Variants in C1orf162 observed in about 807,000 individuals in gnomAD.
The protein encoded by C1orf162 is transmembrane protein C1orf162.
Under a neutral mutation model 11.4 loss-of-function variants are expected in C1orf162, and 10 were observed. The observed-to-expected ratio is 0.88, with a 90% CI of 0.54 to 1.48. The LOEUF (loss-of-function observed/expected upper bound fraction) is 1.48, where lower values mean the gene tolerates loss of function less well. C1orf162 is among the 40% of genes most tolerant of loss of function. The pLI is 0.00. For synonymous variants in C1orf162, 53 were observed against 55.0 expected, an observed-to-expected ratio of 0.96 and a Z score of 0.16; for missense variants, 140 against 149.5, an observed-to-expected ratio of 0.94 and a Z score of 0.33.
At position 111,477,459 on chromosome 1, in the gene C1orf162, TTC is replaced by T. The variant is rs764051942; in HGVS notation, c.202+39_202+40del. 66 of 1,574,582 alleles carry T rather than the reference TTC, an allele frequency of 4.2e-5. No homozygotes were observed. The East Asian group carries it at 1.4e-3, about 34-fold the overall frequency. On this transcript the variant is annotated intron_variant, in intron 4 of 5. Coordinates refer to ENST00000369718, the MANE Select transcript of C1orf162 (RefSeq NM_001300834.2). Reference sequence around the variant, plus strand: ...TGGTCTCCAAGGGATAGGACAGCCCTTCTCTCTCTGCCATTGATACTAGAATT... The same window carrying T: ...TGGTCTCCAAGGGATAGGACAGCCCTTCTCTCTGCCATTGATACTAGAATT...
Position 111,476,045 on chromosome 1 carries a change from C to A in C1orf162, c.17C>A (p.Ser6Tyr). Reference protein sequence around the residue: MGGNGSTCKPDTERQG... With the variant: MGGNGYTCKPDTERQG... ...GATGACAGCATGGGAGGCAATGGCT[C>A]CACATGTAAACCCGACACTGGTGAG... The change falls in exon 2 of 6, where the codon TCC (serine) becomes TAC (tyrosine). Residue 6 changes from serine (S) to tyrosine (Y), a missense_variant. By Grantham distance (144) the Ser-to-Tyr change is moderately radical. Transcript: ENST00000369718. 1.2e-6 allele frequency: 2 copies of A among 1,613,140 alleles called. No homozygotes were observed. The highest frequency in any genetic ancestry group is 1.7e-6 in the Non-Finnish European group (2 of 1,179,156).
intron 4 of C1orf162, 90 bp downstream of exon 4, chr1:111,477,518 G>GA: frequency 6.7e-7 from 1 of 1,486,036 alleles, no homozygotes; most frequent in Non-Finnish European, 9.4e-7. Context: ...GGAGGTAGGG[G>GA]AGGGTGCAGT....
At position 111,478,463 on chromosome 1, in the gene C1orf162, A is replaced by G. The variant is rs1340470254; in HGVS notation, c.*340A>G. The G allele has an allele frequency of 1.7e-5, 4 of 239,490 alleles. No homozygotes were observed. Among genetic ancestry groups the G allele is most frequent in the African/African-American group, 2.2e-5 (1 of 44,954 alleles). 14.8% of individuals were successfully genotyped at this position (239,490 alleles called of 1,614,324 possible). On this transcript the variant is annotated 3_prime_UTR_variant, in exon 6 of 6. Coordinates refer to ENST00000369718, the MANE Select transcript of C1orf162 (RefSeq NM_001300834.2). ...TCATGAATCAACTTGGGAGGAGTCAACCAAATGAACAATCTACCAAAAATT... is the reference window on the plus strand; with the variant it reads ...TCATGAATCAACTTGGGAGGAGTCAGCCAAATGAACAATCTACCAAAAATT...
Position 111,477,439 on chromosome 1 carries a change from T to G in C1orf162, c.202+11T>G. 6.2e-7 allele frequency: 1 copy of G among 1,603,260 alleles called. No homozygotes were observed. The highest frequency in any genetic ancestry group is 8.5e-7 in the Non-Finnish European group (1 of 1,170,208). ...AGAGCTACAGAAAATGTAAGTGGTC[T>G]CCAAGGGATAGGACAGCCCTTCTCT... On this transcript the variant is annotated intron_variant, in intron 4 of 5. Coordinates refer to ENST00000369718, the MANE Select transcript of C1orf162 (RefSeq NM_001300834.2).
intron 3 of C1orf162, 173 bp downstream of exon 3, chr1:111,477,040 C>G (rs767473245): frequency 8.2e-6 from 6 of 733,560 alleles, no homozygotes; most frequent in Non-Finnish European, 1.4e-5. Context: ...TTGGCATCCC[C>G]TAAGCTTCAA....
At position 111,478,093 on chromosome 1, in the gene C1orf162, T is replaced by C; in HGVS notation, c.363T>C (p.Ile121=). 1 of 1,614,212 alleles carries C rather than the reference T, an allele frequency of 6.2e-7. No homozygotes were observed. The highest frequency in any genetic ancestry group is 8.5e-7 in the Non-Finnish European group (1 of 1,180,008). The change falls in exon 6 of 6, where the codon ATT becomes ATC. Residue 121 remains isoleucine, a synonymous_variant. Coordinates refer to ENST00000369718, the MANE Select transcript of C1orf162 (RefSeq NM_001300834.2). The part of the protein sequence containing the change: ...AENHSADFDP[I]VYAQIKVTN ...ACCATTCTGCAGACTTTGACCCCAT[T>C]GTCTATGCTCAAATTAAAGTAACAA...
intron 5 of C1orf162, 94 bp from the exon 6 acceptor site, chr1:111,477,889 G>A: frequency 6.3e-7 from 1 of 1,596,400 alleles, no homozygotes; most frequent in Non-Finnish European, 8.6e-7. Context: ...CACTGGGCAA[G>A]TGATTCTTTG....
In C1orf162 at chr1:111,478,131, T is replaced by C. The variant is rs1228851012; in HGVS notation, c.*8T>C. On this transcript the variant is annotated 3_prime_UTR_variant, in exon 6 of 6. Transcript: ENST00000369718. Reference sequence around the variant, plus strand: ...ATTAAAGTAACAAACTAACTCAGCTTTTCCAATGAGGCTTGAATCCATTTC... The same window carrying C: ...ATTAAAGTAACAAACTAACTCAGCTCTTCCAATGAGGCTTGAATCCATTTC... 1.2e-6 allele frequency: 2 copies of C among 1,613,966 alleles called. No homozygotes were observed. The highest frequency in any genetic ancestry group is 4.5e-5 in the East Asian group (2 of 44,898).
Position 111,475,762 on chromosome 1 carries a change from A to G in C1orf162, c.-11-256A>G, listed in dbSNP as rs918622430. On this transcript the variant is annotated intron_variant, in intron 1 of 5. Transcript: ENST00000369718. ...TGGTTGGTGGGAATCAGTTCTGGAG[A>G]AATCAGTCATTTCTTGGTGCCCTGA... 39 of 422,430 alleles carry G rather than the reference A, an allele frequency of 9.2e-5. No individual in the cohort carries two copies. In the Admixed American group the frequency reaches 1.2e-3, roughly 13 times the overall value. 26.2% of individuals were successfully genotyped at this position (422,430 alleles called of 1,614,324 possible). A position where few individuals can be genotyped will look rare whatever the true frequency, so the allele number is the denominator to read the frequency against.
chr1:111,475,883 C>T, intron 1 of C1orf162, 135 bp from the exon 2 acceptor site: 2 of 638,922 alleles, frequency 3.1e-6, no homozygotes, highest in Non-Finnish European at 5.9e-6. Context: ...GATCTGTGAC[C>T]ACTGATGGCA....
chr1:111,478,142 G>T lies in C1orf162; in HGVS notation c.*19G>T. 1 of 1,613,760 alleles carries T rather than the reference G, an allele frequency of 6.2e-7. No individual in the cohort carries two copies. The highest frequency in any genetic ancestry group is 8.5e-7 in the Non-Finnish European group (1 of 1,179,704). ...AAACTAACTCAGCTTTTCCAATGAGGCTTGAATCCATTTCCTCTCATCTCA... is the reference window on the plus strand; with the variant it reads ...AAACTAACTCAGCTTTTCCAATGAGTCTTGAATCCATTTCCTCTCATCTCA... On this transcript the variant is annotated 3_prime_UTR_variant, in exon 6 of 6. Transcript: ENST00000369718.
intron 1 of C1orf162, 169 bp from the exon 2 acceptor site, chr1:111,475,849 C>T: frequency 1.8e-6 from 1 of 545,870 alleles, no homozygotes; most frequent in Non-Finnish European, 3.4e-6. Context: ...GAAACAACAC[C>T]AGAATTGTTA....
intron 1 of C1orf162, chr1:111,475,347 G>A (rs1653955237): frequency 6.6e-6 from 1 of 152,194 alleles, no homozygotes; most frequent in Non-Finnish European, 1.5e-5. Flanking sequence ...TGAGTAGTAG[G>A]AGTTTGGGTG....
rs184239624 is a variant in C1orf162 at position 111,478,189 on chromosome 1, T to C, written c.*66T>C. 3.4e-3 allele frequency: 5,381 copies of C among 1,591,776 alleles called. 14 individuals are homozygous for C. Among genetic ancestry groups the C allele is most frequent in the Non-Finnish European group, 4.2e-3 (4,867 of 1,162,660 alleles). ...CTCAGCCCTATCTTCACACATCACT[T>C]TCACTTTTTTACAAATTTTGGACCA... is the stretch of plus-strand genomic sequence containing the variant. On this transcript the variant is annotated 3_prime_UTR_variant, in exon 6 of 6. Coordinates refer to ENST00000369718, the MANE Select transcript of C1orf162 (RefSeq NM_001300834.2).
At position 111,477,595 on chromosome 1, in the gene C1orf162, G is replaced by A. The variant is rs577546486; in HGVS notation, c.203-131G>A. 7.9e-5 allele frequency: 112 copies of A among 1,419,590 alleles called. 1 individual carries two copies. Among genetic ancestry groups the A allele is most frequent in the East Asian group, 2.6e-4 (11 of 42,642 alleles). 87.9% of individuals were successfully genotyped at this position (1,419,590 alleles called of 1,614,324 possible). ...ATTCAAATCCCTTCATTTTTCTTCC[G>A]CCCTGCCCCCCACCCACCTGCCAAC... On this transcript the variant is annotated intron_variant, in intron 4 of 5. Transcript: ENST00000369718.
intron 1 of C1orf162, chr1:111,475,152 A>G (rs1286664570): frequency 1.3e-5 from 2 of 148,460 alleles, no homozygotes; most frequent in Non-Finnish European, 3.0e-5. Flanking sequence ...GTACATAGCT[A>G]TAATGGAAAG....
At chr1:111,476,206 T>A in intron 2 of C1orf162, 141 bp downstream of exon 2, 1 of 860,586 alleles carries the variant, frequency 1.2e-6, no homozygotes, top group East Asian at 2.7e-5. Context: ...GACACAGAAT[T>A]TAATGCCAGG....
chr1:111,476,817 C>T lies in C1orf162; in HGVS notation c.57C>T (p.Ser19=), dbSNP rs770234485. ...TTGTAGAAAGACAAGGCACTCTCTC[C>T]ACAGCAGCCCCAACAACTAGCCCTG... ...KPDTERQGTL[S]TAAPTTSPAP... Residue 19 remains serine, a synonymous_variant, in exon 3 of 6, where the codon TCC becomes TCT. Transcript: ENST00000369718. 6.8e-6 allele frequency: 11 copies of T among 1,613,914 alleles called. No homozygotes were observed. Among genetic ancestry groups the T allele is most frequent in the Non-Finnish European group, 9.3e-6 (11 of 1,179,954 alleles).
In C1orf162 at chr1:111,476,034, A is replaced by G; in HGVS notation, c.6A>G (p.Gly2=). Residue 2 remains glycine (G), a synonymous_variant, in exon 2 of 6, where the codon GGA becomes GGG. Transcript: ENST00000369718. M[G]GNGSTCKPDT... ...TATTCTCAGGGGATGACAGCATGGG[A>G]GGCAATGGCTCCACATGTAAACCCG... 3 of 1,613,320 alleles carry G rather than the reference A, an allele frequency of 1.9e-6. No individual in the cohort carries two copies. Among genetic ancestry groups the G allele is most frequent in the Non-Finnish European group, 2.5e-6 (3 of 1,179,314 alleles).
Sources: allele counts gnomAD v4.1 joint callset, GRCh38; gene constraint gnomAD v4.1.1; transcripts MANE v1.5; gene names NCBI Gene and HGNC (gene_info 2026-07-23, HGNC 2026-07-21).